DGKB: variants seen among roughly 807,000 people sequenced by gnomAD.
DGKB encodes diacylglycerol kinase beta.
In DGKB, 67 loss-of-function variants were observed where a neutral mutation model predicts 114.3. The observed-to-expected ratio is 0.59, with a 90% CI of 0.48 to 0.72. The LOEUF is 0.72. Ranked by LOEUF, DGKB falls within the 30% of genes least tolerant of loss-of-function variation. The pLI, the probability that DGKB is intolerant of heterozygous loss-of-function variation, is 0.00. For missense variants in DGKB, 907 were observed against 975.2 expected (o/e 0.93, Z 0.93); for synonymous variants, 398 against 323.1 (o/e 1.23, Z -2.49).
At chr7:14,955,415 C>G (rs1480593042) in intron 1 of DGKB, among the ~76,000 whole-genome samples, 2 of 151,978 alleles carry the variant, frequency 1.3e-5, no homozygotes, top group Admixed American at 1.3e-4. Context: ...CCTAAGCTAT[C>G]TGAACTATAC....
intron 20 of DGKB, among the ~76,000 whole-genome samples, chr7:14,528,925 G>A (rs892510527): frequency 6.6e-6 from 1 of 151,866 alleles, no homozygotes; most frequent in Non-Finnish European, 1.5e-5. Context: ...CAGATAAAAG[G>A]AAGGTCAAAA....
At chr7:14,809,141 CAT>C (rs1008894531) in intron 2 of DGKB, among the ~76,000 whole-genome samples, 3 of 152,056 alleles carry the variant, frequency 2.0e-5, no homozygotes, top group Non-Finnish European at 4.4e-5. Flanking sequence ...AAAAAAGCAA[CAT>C]GTGATCAGAA....
At chr7:14,818,871 A>G (rs1375535374) in intron 2 of DGKB, among the ~76,000 whole-genome samples, 1 of 152,174 alleles carries the variant, frequency 6.6e-6, no homozygotes, top group East Asian at 1.9e-4. Context: ...GATAGAGAGG[A>G]TGGTGTTATG....
intron 1 of DGKB, among the ~76,000 whole-genome samples, chr7:14,877,996 A>T (rs1853572321): frequency 6.6e-6 from 1 of 152,126 alleles, no homozygotes; most frequent in African/African-American, 2.4e-5. Flanking sequence ...ATTCTTATAG[A>T]AGGACAAATA....
At chr7:14,746,959 A>G (rs1480063710) in intron 4 of DGKB, among the ~76,000 whole-genome samples, 1 of 151,388 alleles carries the variant, frequency 6.6e-6, no homozygotes, top group Non-Finnish European at 1.5e-5. Flanking sequence ...TAAAAAAAAA[A>G]TCTTCCTTTG....
At chr7:14,337,523 A>T (rs888661982) in intron 23 of DGKB, among the ~76,000 whole-genome samples, 3 of 152,088 alleles carry the variant, frequency 2.0e-5, no homozygotes, top group Non-Finnish European at 4.4e-5. Flanking sequence ...TTTTATATAA[A>T]AGAAGTCACT....
At chr7:14,345,448 T>C (rs990868381) in intron 21 of DGKB, 57 bp from the exon 22 acceptor site, 2 of 878,896 alleles carry the variant, frequency 2.3e-6, no homozygotes, top group African/African-American at 3.4e-5. Flanking sequence ...AGGGATCTTT[T>C]AAAAAATGGT....
intron 1 of DGKB, among the ~76,000 whole-genome samples, chr7:14,896,364 T>C (rs961038112): frequency 2.0e-5 from 3 of 151,808 alleles, no homozygotes; most frequent in African/African-American, 7.2e-5. Flanking sequence ...TCTATGTTAA[T>C]AGTTACCTCT....
At chr7:14,164,469 C>T (rs903467056) in intron 25 of DGKB, among the ~76,000 whole-genome samples, 2 of 152,186 alleles carry the variant, frequency 1.3e-5, no homozygotes, top group African/African-American at 2.4e-5. Flanking sequence ...ATGCAACGGT[C>T]TTGGGAGATT....
chr7:14,627,740 G>A (rs1315602154), intron 14 of DGKB, among the ~76,000 whole-genome samples: 2 of 151,792 alleles, frequency 1.3e-5, no homozygotes, highest in Non-Finnish European at 2.9e-5. Flanking sequence ...TCAGGAGTTC[G>A]AGACCAGCCT....
chr7:14,315,476 T>C (rs1806294070), intron 23 of DGKB, among the ~76,000 whole-genome samples: 1 of 151,508 alleles, frequency 6.6e-6, no homozygotes, highest in African/African-American at 2.4e-5. Context: ...AGGCAGGGGT[T>C]GCAATCCTAG....
chr7:14,427,448 C>G (rs1016992315), intron 21 of DGKB, among the ~76,000 whole-genome samples: 2 of 152,140 alleles, frequency 1.3e-5, no homozygotes, highest in South Asian at 2.1e-4. Flanking sequence ...GTTCCAACCT[C>G]TGCCCAGTTA....
chr7:14,336,009 G>A (rs953925893), intron 23 of DGKB, among the ~76,000 whole-genome samples: 1 of 152,162 alleles, frequency 6.6e-6, no homozygotes, highest in African/African-American at 2.4e-5. Context: ...CTCCCAAAGT[G>A]TGAGGATTGC....
chr7:14,765,326 T>C (rs1239869435), intron 2 of DGKB, among the ~76,000 whole-genome samples: 1 of 152,012 alleles, frequency 6.6e-6, no homozygotes, highest in Non-Finnish European at 1.5e-5. Flanking sequence ...CTTAAAAAGA[T>C]AATGGGCATA....
chr7:14,951,251 C>T (rs1786186380), intron 1 of DGKB, among the ~76,000 whole-genome samples: 1 of 151,992 alleles, frequency 6.6e-6, no homozygotes, highest in Non-Finnish European at 1.5e-5. Context: ...AGAAATGTTT[C>T]TGGCAGCTTT....
rs965814827 is a variant in DGKB at position 14,556,205 on chromosome 7, T to A, written c.1770+18007A>T. Among the ~76,000 whole-genome samples, 10 of 152,126 alleles carry A rather than the reference T, an allele frequency of 6.6e-5. 1 individual carries two copies. The highest frequency in any genetic ancestry group is 1.5e-5 in the Non-Finnish European group (1 of 67,992). ...AGATTTCCTCATATATGCTGAGTGGTTTTTTAACTAAATGTAAACCTTGGC... is the reference window on the plus strand; with the variant it reads ...AGATTTCCTCATATATGCTGAGTGGATTTTTAACTAAATGTAAACCTTGGC... On this transcript the variant is annotated intron_variant, in intron 20 of 25. Transcript: ENST00000402815.
intron 1 of DGKB, among the ~76,000 whole-genome samples, chr7:14,896,804 C>T (rs535649881): frequency 5.3e-5 from 8 of 151,814 alleles, no homozygotes; most frequent in African/African-American, 1.9e-4. Flanking sequence ...AGTTTCAAGT[C>T]CTATATCATC....
At chr7:14,531,605 G>T (rs914383548) in intron 20 of DGKB, among the ~76,000 whole-genome samples, 3 of 151,288 alleles carry the variant, frequency 2.0e-5, no homozygotes, top group Non-Finnish European at 4.4e-5. Flanking sequence ...AAATAAAAAT[G>T]CCAAGATAGT....
chr7:14,262,488 T>C (rs1386561642), intron 23 of DGKB, among the ~76,000 whole-genome samples: 1 of 152,194 alleles, frequency 6.6e-6, no homozygotes. Context: ...ACATTGAATC[T>C]GCCTGGGCCT....
Sources: gnomAD v4.1 joint callset for allele counts (sites outside exome capture counted in the v4.1 genomes callset) on GRCh38, gnomAD v4.1.1 for gene constraint, MANE v1.5 for transcripts, NCBI Gene and HGNC (gene_info 2026-07-23, HGNC 2026-07-21) for gene names.